The following SYN3 variants were observed in gnomAD, a reference collection of about 807,000 sequenced individuals.
SYN3 encodes the protein synapsin III.
SYN3 carries 35 observed loss-of-function variants against 65.8 expected under a neutral mutation model. The observed-to-expected ratio is 0.53, with a 90% CI of 0.41 to 0.70. The LOEUF (loss-of-function observed/expected upper bound fraction) is 0.70, where lower values mean the gene tolerates loss of function less well. Among genes scored for constraint, SYN3 ranks in the 30% least tolerant of loss-of-function variants. The pLI is 0.00. For missense variants in SYN3, 680 were observed against 749.0 expected, an observed-to-expected ratio of 0.91 and a Z score of 1.08; for synonymous variants, 270 against 292.9, an observed-to-expected ratio of 0.92 and a Z score of 0.80.
intron 6 of SYN3, among the ~76,000 whole-genome samples, chr22:32,713,568 C>T (rs1288138933): frequency 3.3e-5 from 5 of 152,282 alleles, no homozygotes; most frequent in South Asian, 2.1e-4. Flanking sequence ...CGGTGGCTCA[C>T]GCCTGTAATC....
chr22:32,650,209 T>TTTTCTTTTTCTTTC (rs1290283709), intron 6 of SYN3, among the ~76,000 whole-genome samples: 6 of 138,182 alleles, frequency 4.3e-5, no homozygotes, highest in African/African-American at 1.2e-4. Flanking sequence ...CTCTTTACAC[T>TTTTCTTTTTCTTTC]TTTCTTTCTC....
At chr22:32,962,344 C>A (rs957720385) in intron 3 of SYN3, among the ~76,000 whole-genome samples, 1 of 151,928 alleles carries the variant, frequency 6.6e-6, no homozygotes, top group Non-Finnish European at 1.5e-5. Context: ...CTATGTTGGC[C>A]AGGATGGTCT....
intron 6 of SYN3, among the ~76,000 whole-genome samples, chr22:32,603,879 A>G (rs1189293244): frequency 2.0e-5 from 3 of 152,230 alleles, no homozygotes; most frequent in African/African-American, 7.2e-5. Context: ...CCAGTGGCGT[A>G]AGAGGCCTGA....
chr22:32,710,099 A>ATGTG (rs1555931599), intron 6 of SYN3, among the ~76,000 whole-genome samples: 11 of 65,628 alleles, frequency 1.7e-4, no homozygotes, highest in African/African-American at 1.2e-3. Flanking sequence ...ACACACACAC[A>ATGTG]TGTGTGTGTG....
At chr22:32,881,853 C>T (rs1015246392) in intron 4 of SYN3, among the ~76,000 whole-genome samples, 1 of 151,972 alleles carries the variant, frequency 6.6e-6, no homozygotes, top group Admixed American at 6.5e-5. Flanking sequence ...GTCAGGAGTT[C>T]GAGACCAGCC....
intron 6 of SYN3, among the ~76,000 whole-genome samples, chr22:32,652,446 G>A (rs538204036): frequency 9.6e-6 from 1 of 104,582 alleles, no homozygotes; most frequent in Non-Finnish European, 2.0e-5. Context: ...AAGTTTCTTT[G>A]TTGGAAATGG....
At chr22:32,594,060 T>C (rs1045074177) in intron 7 of SYN3, among the ~76,000 whole-genome samples, 1 of 151,968 alleles carries the variant, frequency 6.6e-6, no homozygotes. Flanking sequence ...CAGACGATCA[T>C]TGGAGACCAC....
intron 6 of SYN3, among the ~76,000 whole-genome samples, chr22:32,841,695 A>G (rs1601514446): frequency 6.6e-6 from 1 of 151,556 alleles, no homozygotes; most frequent in Non-Finnish European, 1.5e-5. Flanking sequence ...TGGGTGGGGT[A>G]GGGGAGGGAG....
chr22:33,005,496 T>C (rs763844519), intron 2 of SYN3, among the ~76,000 whole-genome samples: 4 of 152,226 alleles, frequency 2.6e-5, no homozygotes, highest in Non-Finnish European at 4.4e-5. Context: ...TTCCCTACTA[T>C]ACCCATGCAT....
intron 6 of SYN3, among the ~76,000 whole-genome samples, chr22:32,742,430 C>G (rs1282335374): frequency 1.3e-5 from 2 of 152,096 alleles, no homozygotes; most frequent in Non-Finnish European, 2.9e-5. Flanking sequence ...AGACCTGGCT[C>G]AACACAGAGC....
intron 6 of SYN3, among the ~76,000 whole-genome samples, chr22:32,706,731 T>A (rs1471770771): frequency 6.6e-6 from 1 of 152,290 alleles, no homozygotes; most frequent in Non-Finnish European, 1.5e-5. Flanking sequence ...CTTTTGGTGC[T>A]GAGGCACCCT....
intron 4 of SYN3, among the ~76,000 whole-genome samples, chr22:32,886,045 A>G (rs985776128): frequency 1.3e-5 from 2 of 152,198 alleles, no homozygotes; most frequent in Non-Finnish European, 2.9e-5. Flanking sequence ...CCAACAGTAG[A>G]CAGCACACCT....
intron 7 of SYN3, among the ~76,000 whole-genome samples, chr22:32,548,165 C>G (rs142413371): frequency 3.3e-4 from 50 of 152,318 alleles, no homozygotes; most frequent in Non-Finnish European, 6.2e-4. Flanking sequence ...TCAGATAAGA[C>G]TGTCCCCTCC....
At chr22:32,767,277 C>G (rs533441609) in intron 6 of SYN3, among the ~76,000 whole-genome samples, 2 of 152,134 alleles carry the variant, frequency 1.3e-5, no homozygotes, top group African/African-American at 4.8e-5. Flanking sequence ...TTTGTCTCCA[C>G]GTTTCTTAAA....
chr22:32,663,430 C>T (rs1296849290), intron 6 of SYN3, among the ~76,000 whole-genome samples: 5 of 151,892 alleles, frequency 3.3e-5, no homozygotes. Context: ...GCCCGAATAG[C>T]TGGGAGTATA....
At chr22:32,677,821 A>G (rs1364233482) in intron 6 of SYN3, among the ~76,000 whole-genome samples, 1 of 136,210 alleles carries the variant, frequency 7.3e-6, no homozygotes, top group Non-Finnish European at 1.7e-5. Context: ...AATAATCATA[A>G]TAAAATAAAA....
At chr22:32,574,481 T>TA (rs973669847) in intron 7 of SYN3, among the ~76,000 whole-genome samples, 57 of 152,030 alleles carry the variant, frequency 3.7e-4, no homozygotes, top group South Asian at 6.2e-4. Context: ...TCCATCTCTT[T>TA]AAAAAAAATC....
At chr22:32,656,325 A>G (rs1468097629) in intron 6 of SYN3, among the ~76,000 whole-genome samples, 3 of 152,138 alleles carry the variant, frequency 2.0e-5, no homozygotes, top group Non-Finnish European at 4.4e-5. Flanking sequence ...TCATCCATAA[A>G]TTGGGAAAAA....
chr22:32,583,368 G>A (rs1474111943), intron 7 of SYN3: 4 of 152,158 alleles, frequency 2.6e-5, no homozygotes, highest in Non-Finnish European at 2.9e-5. Flanking sequence ...TGTGCCCCAC[G>A]CCTCAGTAGG....
Sources: allele counts gnomAD v4.1 joint callset (sites outside exome capture counted in the v4.1 genomes callset), GRCh38; gene constraint gnomAD v4.1.1; transcripts MANE v1.5; gene names NCBI Gene and HGNC (gene_info 2026-07-23, HGNC 2026-07-21).